The following CYP2W1 variants were observed in gnomAD, a reference collection of about 807,000 sequenced individuals.
CYP2W1 encodes the protein cytochrome P450 2W1.
CYP2W1 carries 51 observed loss-of-function variants against 44.9 expected under a neutral mutation model. That is an observed-to-expected ratio of 1.14 (90% CI 0.91 to 1.43). The LOEUF is 1.43. CYP2W1 is among the 40% of genes most tolerant of loss of function. The pLI is 0.00. For synonymous variants in CYP2W1, 383 were observed against 338.3 expected (o/e 1.13, Z -1.45); for missense variants, 746 against 700.0 (o/e 1.07, Z -0.74).
rs745988107 is a variant in CYP2W1, at chr7:987,193, G to A, written c.906G>A (p.Ser302=). 12 of 1,553,078 alleles carry A rather than the reference G, an allele frequency of 7.7e-6. No individual in the cohort carries two copies. The highest frequency in any genetic ancestry group is 4.9e-5 in the East Asian group (2 of 41,194). The part of the protein sequence containing the change: ...DMVMAGTETT[S]ATLQWAALLM... Reference sequence around the variant, plus strand: ...TCATGGCCGGGACGGAGACGACCTCGGCCACGCTGCAGTGGGCCGCACTTC... The same window carrying A: ...TCATGGCCGGGACGGAGACGACCTCAGCCACGCTGCAGTGGGCCGCACTTC... Residue 302 remains serine, a synonymous_variant, in exon 6 of 9, where the codon TCG becomes TCA. Transcript: ENST00000308919.
chr7:986,293 G>A (rs557548875), intron 4 of CYP2W1: 1 of 313,950 alleles, frequency 3.2e-6, no homozygotes, highest in South Asian at 3.9e-5. Context: ...TCCAAGGTCT[G>A]AGGTCTGCTC....
At chr7:983,478 T>C in intron 1 of CYP2W1, 93 bp downstream of exon 1, 5 of 1,244,718 alleles carry the variant, frequency 4.0e-6, no homozygotes, top group Non-Finnish European at 4.2e-6. Flanking sequence ...TTCCACTGCC[T>C]GTTCCCACAT....
At chr7:984,906 T>TGCCCACTTGCCTGGC in intron 2 of CYP2W1, 44 bp from the exon 3 acceptor site, 1 of 1,537,650 alleles carries the variant, frequency 6.5e-7, no homozygotes, top group Non-Finnish European at 8.7e-7. Flanking sequence ...CGGGGCTGGC[T>TGCCCACTTGCCTGGC]GGGGTGGGAA....
chr7:987,086 C>A, intron 5 of CYP2W1, 21 bp from the exon 6 acceptor site: 1 of 1,502,086 alleles, frequency 6.7e-7, no homozygotes. Flanking sequence ...ATCCCACGAG[C>A]CCTGCCCCAC....
intron 7 of CYP2W1, among the ~76,000 whole-genome samples, chr7:987,918 ATCCCCTGTGTGTCCTGGGGGGG>A (rs1235344854): frequency 9.8e-6 from 1 of 101,948 alleles, no homozygotes; most frequent in African/African-American, 4.8e-5. Context: ...TGTCCTGGGG[ATCCCCTGTGTGTCCTGGGGGGG>A]TCCCCTGTGT....
rs1371841273 is a variant in CYP2W1, at chr7:988,827, TC to T, written c.*10del. The T allele has an allele frequency of 2.0e-6, 3 of 1,529,194 alleles. No homozygotes were observed. Among genetic ancestry groups the T allele is most frequent in the East Asian group, 2.3e-5 (1 of 43,228 alleles). 94.7% of individuals were successfully genotyped at this position (1,529,194 alleles called of 1,614,324 possible). A position where few individuals can be genotyped will look rare whatever the true frequency, so the allele number is the denominator to read the frequency against. ...TGTGCGGTGCCCAGGCCCTAGGAGC[TC>T]CCCCAGCCCCCAGGTCCTCCTGACC... On this transcript the variant is annotated 3_prime_UTR_variant, in exon 9 of 9. Coordinates refer to ENST00000308919, the MANE Select transcript of CYP2W1 (RefSeq NM_017781.3).
Position 989,208 on chromosome 7 carries a change from TG to T in CYP2W1, c.*389del. The T allele has an allele frequency of 4.2e-6, 1 of 238,484 alleles. No homozygotes were observed. Among genetic ancestry groups the T allele is most frequent in the South Asian group, 1.4e-4 (1 of 7,264 alleles). 14.8% of individuals were successfully genotyped at this position (238,484 alleles called of 1,614,324 possible). On this transcript the variant is annotated 3_prime_UTR_variant, in exon 9 of 9. Coordinates refer to ENST00000308919, the MANE Select transcript of CYP2W1 (RefSeq NM_017781.3). ...GCATCCAGCCAGAGACAGGCGCAGG[TG>T]GGTGTCCTCAGCGTGCGAGCCCTGC...
chr7:984,644 C>T (rs1848188891), intron 2 of CYP2W1, 70 bp downstream of exon 2: 1 of 1,500,104 alleles, frequency 6.7e-7, no homozygotes, highest in Admixed American at 2.4e-5. Flanking sequence ...GGGGTGGGGG[C>T]TCCAGCAGCG....
In CYP2W1 at chr7:986,726, G is replaced by A; in HGVS notation, c.748G>A (p.Ala250Thr). 6.2e-7 allele frequency: 1 copy of A among 1,611,198 alleles called. No homozygotes were observed. Among genetic ancestry groups the A allele is most frequent in the Non-Finnish European group, 8.5e-7 (1 of 1,179,094 alleles). Residue 250 changes from alanine to threonine, a missense_variant, in exon 5 of 9, where the codon GCG (alanine) becomes ACG (threonine). By Grantham distance (58) the Ala-to-Thr change is moderately conservative. Transcript: ENST00000308919. ...VRAILRTLLE[A>T]RRPHVCPGDP... The stretch of plus-strand genomic sequence containing the variant: ...TGCCATTCTGAGGACCCTCCTGGAG[G>A]CGCGGAGGCCCCACGTGTGCCCGGG...
chr7:988,002 G>GGGGGGTCCCCTCTATGTGTCCT (rs1848520298), intron 7 of CYP2W1, among the ~76,000 whole-genome samples: 2 of 97,896 alleles, frequency 2.0e-5, no homozygotes, highest in Non-Finnish European at 4.5e-5. Flanking sequence ...TGTGTGTCCT[G>GGGGGGTCCCCTCTATGTGTCCT]GGGGGTCCCC....
In CYP2W1 at chr7:988,413, C is replaced by T; in HGVS notation, c.1280C>T (p.Ser427Phe). The change falls in exon 8 of 9, where the codon TCT (serine) becomes TTT (phenylalanine). Residue 427 changes from serine (S) to phenylalanine (F), a missense_variant. Physicochemically the swap from Ser to Phe is radical, Grantham distance 155 (BLOSUM62 -2). Coordinates refer to ENST00000308919, the MANE Select transcript of CYP2W1 (RefSeq NM_017781.3). ...FVKREAFLPF[S>F]AGRRVCVGER... ...AAGCGGGAGGCCTTCCTGCCTTTCTCTGCAGGTCAGCAGCCCTCGGGGCCG... is the reference window on the plus strand; with the variant it reads ...AAGCGGGAGGCCTTCCTGCCTTTCTTTGCAGGTCAGCAGCCCTCGGGGCCG... 1.2e-6 allele frequency: 2 copies of T among 1,612,594 alleles called. No individual in the cohort carries two copies. Among genetic ancestry groups the T allele is most frequent in the Non-Finnish European group, 1.7e-6 (2 of 1,179,844 alleles).
rs200715910 is a variant in CYP2W1, at chr7:988,658, C to T, written c.1309C>T (p.Arg437Cys). 340 of 1,601,436 alleles carry T rather than the reference C, an allele frequency of 2.1e-4. No homozygotes were observed. The highest frequency in any genetic ancestry group is 2.7e-4 in the Non-Finnish European group (315 of 1,179,552). Residue 437 changes from arginine to cysteine, a missense_variant, in exon 9 of 9, where the codon CGC (arginine) becomes TGC (cysteine). Physicochemically the swap from Arg to Cys is radical, Grantham distance 180 (BLOSUM62 -3). Transcript: ENST00000308919. ...SAGRRVCVGE[R>C]LARTELFLLF... ...AGGCCGCCGCGTCTGTGTTGGGGAG[C>T]GCCTGGCCAGGACCGAGCTCTTCCT...
chr7:985,897 C>T (rs3735683), intron 4 of CYP2W1, among the ~76,000 whole-genome samples: 39,314 of 152,018 alleles, frequency 0.26, 5,568 homozygotes, highest in East Asian at 0.51. Context: ...GAGGCAGGGC[C>T]GTGATGGGAG....
At position 986,660 on chromosome 7, in the gene CYP2W1, C is replaced by G. The variant is rs758189818; in HGVS notation, c.682C>G (p.Gln228Glu). The G allele has an allele frequency of 6.2e-7, 1 of 1,612,610 alleles. No homozygotes were observed. Among genetic ancestry groups the G allele is most frequent in the African/African-American group, 1.3e-5 (1 of 74,932 alleles). ...NVYPWLGALL[Q>E]LHRPVLRKIE... ...CTACCCATGGCTCGGGGCCCTGCTC[C>G]AGCTGCACCGGCCCGTCCTGCGCAA... The change falls in exon 5 of 9, where the codon CAG becomes GAG. Residue 228 changes from glutamine (Q) to glutamate (E), a missense_variant. By Grantham distance (29) the Gln-to-Glu change is conservative. Coordinates refer to ENST00000308919, the MANE Select transcript of CYP2W1 (RefSeq NM_017781.3).
chr7:987,094 C>T lies in CYP2W1; in HGVS notation c.820-13C>T. ...CCAGATCATCCCACGAGCCCTGCCC[C>T]ACGCCTCTGCAGGGGGATGACCCCG... On this transcript the variant is annotated splice_polypyrimidine_tract_variant and intron_variant, in intron 5 of 8. Transcript: ENST00000308919. 6.6e-7 allele frequency: 1 copy of T among 1,518,594 alleles called. No individual in the cohort carries two copies. Among genetic ancestry groups the T allele is most frequent in the East Asian group, 2.4e-5 (1 of 42,000 alleles). 94.1% of individuals were successfully genotyped at this position (1,518,594 alleles called of 1,614,324 possible).
intron 7 of CYP2W1, 94 bp from the exon 8 acceptor site, chr7:988,183 G>C (rs1848538794): frequency 1.4e-6 from 2 of 1,391,362 alleles, no homozygotes; most frequent in African/African-American, 1.4e-5. Context: ...TGGTGGGTGT[G>C]GCAGGAGCTA....
chr7:984,592 G>T lies in CYP2W1; in HGVS notation c.337+18G>T. On this transcript the variant is annotated intron_variant, in intron 2 of 8. Coordinates refer to ENST00000308919, the MANE Select transcript of CYP2W1 (RefSeq NM_017781.3). ...AGGTGGAGGTCGGTGTGTGGCCGGCGCTACGGGGCCTACTGGGTGTGGGGG... is the reference window on the plus strand; with the variant it reads ...AGGTGGAGGTCGGTGTGTGGCCGGCTCTACGGGGCCTACTGGGTGTGGGGG... 1 of 1,554,836 alleles carries T rather than the reference G, an allele frequency of 6.4e-7. No homozygotes were observed. Among genetic ancestry groups the T allele is most frequent in the Admixed American group, 1.9e-5 (1 of 53,056 alleles).
At chr7:983,880 G>A (rs1848114489) in intron 1 of CYP2W1, among the ~76,000 whole-genome samples, 1 of 152,240 alleles carries the variant, frequency 6.6e-6, no homozygotes, top group African/African-American at 2.4e-5. Context: ...GACACGGCAC[G>A]GGGCAGCCTG....
Position 989,098 on chromosome 7 carries a change from C to T in CYP2W1, c.*276C>T, listed in dbSNP as rs1848626166. ...CCAGGGCCCCGCCCACTCTCCCACC[C>T]CTGAAGCTGCACTCCCACCCACCTA... On this transcript the variant is annotated 3_prime_UTR_variant, in exon 9 of 9. Transcript: ENST00000308919. The T allele has an allele frequency of 1.1e-5, 5 of 437,514 alleles. No individual in the cohort carries two copies. Among genetic ancestry groups the T allele is most frequent in the African/African-American group, 2.0e-5 (1 of 50,716 alleles). The allele number at this position is 437,514 out of a possible 1,614,324, so 27.1% of individuals were successfully genotyped here. A position where few individuals can be genotyped will look rare whatever the true frequency, so the allele number is the denominator to read the frequency against.
Sources: gnomAD v4.1 joint callset for allele counts (sites outside exome capture counted in the v4.1 genomes callset) on GRCh38, gnomAD v4.1.1 for gene constraint, MANE v1.5 for transcripts, NCBI Gene and HGNC (gene_info 2026-07-23, HGNC 2026-07-21) for gene names.